The following TAFA1 variants were observed in gnomAD, a reference collection of about 807,000 sequenced individuals.
TAFA1 encodes TAFA chemokine like family member 1.
In TAFA1, 4 loss-of-function variants were observed where a neutral mutation model predicts 18.5. The observed-to-expected ratio is 0.22, with a 90% CI of 0.11 to 0.49. The LOEUF (loss-of-function observed/expected upper bound fraction) is 0.49, where lower values mean the gene tolerates loss of function less well. Among genes scored for constraint, TAFA1 ranks in the 20% least tolerant of loss-of-function variants. The probability of loss-of-function intolerance (pLI) is 0.98; values close to 1 mark genes in which losing one functional copy is unlikely to be tolerated. For missense variants in TAFA1, 147 were observed against 169.0 expected (o/e 0.87, Z 0.72); for synonymous variants, 56 against 55.2 (o/e 1.01, Z -0.06).
At chr3:68,176,755 A>G (rs2066131709) in intron 2 of TAFA1, among the ~76,000 whole-genome samples, 1 of 152,222 alleles carries the variant, frequency 6.6e-6, no homozygotes, top group South Asian at 2.1e-4. Flanking sequence ...AATAGCAAAG[A>G]GTTCATTAGA....
intron 2 of TAFA1, among the ~76,000 whole-genome samples, chr3:68,174,181 A>G (rs13090817): frequency 0.19 from 29,159 of 152,204 alleles, 3,157 homozygotes; most frequent in Middle Eastern, 0.29. Context: ...ATTGGTTTGC[A>G]TGGAACTGAA....
intron 2 of TAFA1, among the ~76,000 whole-genome samples, chr3:68,259,168 G>C (rs537975642): frequency 1.7e-4 from 26 of 152,252 alleles, no homozygotes; most frequent in Non-Finnish European, 3.5e-4. Context: ...TGAATGGAAA[G>C]GTGCTAGGGT....
chr3:68,397,897 G>A (rs2070415130), intron 2 of TAFA1, among the ~76,000 whole-genome samples: 2 of 152,036 alleles, frequency 1.3e-5, no homozygotes, highest in African/African-American at 4.8e-5. Context: ...TGTCAATTTT[G>A]TCTTTTGTTA....
intron 4 of TAFA1, among the ~76,000 whole-genome samples, chr3:68,540,348 T>C (rs2073351945): frequency 1.3e-5 from 2 of 152,194 alleles, no homozygotes; most frequent in Non-Finnish European, 2.9e-5. Context: ...TGTTTCATTT[T>C]AATGAAACAC....
chr3:68,535,674 T>A (rs2073268174), intron 3 of TAFA1, among the ~76,000 whole-genome samples: 1 of 152,202 alleles, frequency 6.6e-6, no homozygotes, highest in African/African-American at 2.4e-5. Context: ...TATAGAATCC[T>A]ACTGTCGACC....
chr3:68,404,203 A>G (rs2070551007), intron 2 of TAFA1, among the ~76,000 whole-genome samples: 1 of 152,204 alleles, frequency 6.6e-6, no homozygotes, highest in African/African-American at 2.4e-5. Context: ...GGGTGGAAGC[A>G]GTTGAAACCC....
chr3:68,311,405 A>G (rs745452632), intron 2 of TAFA1, among the ~76,000 whole-genome samples: 1 of 152,242 alleles, frequency 6.6e-6, no homozygotes, highest in African/African-American at 2.4e-5. Flanking sequence ...TATCTGAGAC[A>G]AGCCAACTCC....
At chr3:68,328,888 A>G (rs2068816571) in intron 2 of TAFA1, among the ~76,000 whole-genome samples, 1 of 152,148 alleles carries the variant, frequency 6.6e-6, no homozygotes, top group Non-Finnish European at 1.5e-5. Context: ...TGGTAAACCA[A>G]GAGGAGTGAT....
intron 3 of TAFA1, among the ~76,000 whole-genome samples, chr3:68,468,482 G>T (rs1397235381): frequency 6.6e-6 from 1 of 152,180 alleles, no homozygotes; most frequent in Non-Finnish European, 1.5e-5. Flanking sequence ...TGGTCCCTCA[G>T]TGACAGGCTT....
At chr3:68,459,066 T>C (rs1429882589) in intron 3 of TAFA1, among the ~76,000 whole-genome samples, 1 of 152,120 alleles carries the variant, frequency 6.6e-6, no homozygotes, top group African/African-American at 2.4e-5. Context: ...TCAGAGTTTT[T>C]CTCCTTTAGG....
rs117609861 is a variant in TAFA1, at chr3:68,237,420, G to A, written c.119-179860G>A. Among the ~76,000 whole-genome samples, 34 of 152,258 alleles carry A rather than the reference G, an allele frequency of 2.2e-4. 1 individual carries two copies. In the East Asian group the frequency reaches 5.6e-3, roughly 25 times the overall value. On this transcript the variant is annotated intron_variant, in intron 2 of 4. Coordinates refer to ENST00000478136, the MANE Select transcript of TAFA1 (RefSeq NM_213609.4). ...TGGAGGGGGTAGGGAGGGCTTGGGA[G>A]GACACAAACATTCAGACCATAGCAA...
chr3:68,004,465 C>T lies in TAFA1; in HGVS notation c.-241C>T, dbSNP rs1054357610. On this transcript the variant is annotated 5_prime_UTR_variant, in exon 1 of 5. Transcript: ENST00000478136. The stretch of plus-strand genomic sequence containing the variant: ...GGTGAAAATGACAAGGTTTCCACCC[C>T]TCAAACCTTGGCTCCTTTTCTGACA... 1.3e-5 allele frequency: 2 copies of T among 152,146 alleles called. No homozygotes were observed. Among genetic ancestry groups the T allele is most frequent in the African/African-American group, 4.8e-5 (2 of 41,434 alleles). 9.4% of individuals were successfully genotyped at this position (152,146 alleles called of 1,614,324 possible). A position where few individuals can be genotyped will look rare whatever the true frequency, so the allele number is the denominator to read the frequency against.
chr3:68,327,382 A>G (rs1275943442), intron 2 of TAFA1, among the ~76,000 whole-genome samples: 2 of 152,188 alleles, frequency 1.3e-5, no homozygotes, highest in Non-Finnish European at 2.9e-5. Context: ...GTAAAAATGT[A>G]TTTGTAAGAA....
rs567552126 is a variant in TAFA1, at chr3:68,466,088, C to A, written c.259+48668C>A. 5.9e-5 allele frequency among the ~76,000 whole-genome samples: 9 copies of A among 152,172 alleles called. No individual in the cohort carries two copies. The South Asian group carries it at 1.7e-3, about 28-fold the overall frequency. On this transcript the variant is annotated intron_variant, in intron 3 of 4. Coordinates refer to ENST00000478136, the MANE Select transcript of TAFA1 (RefSeq NM_213609.4). ...GTTGCTAAATATTGCACTTATTCTT[C>A]TACTTCTGGGCACATGATAGGCTTA...
chr3:68,357,761 A>G (rs1461989238), intron 2 of TAFA1, among the ~76,000 whole-genome samples: 2 of 151,926 alleles, frequency 1.3e-5, no homozygotes, highest in Admixed American at 1.3e-4. Flanking sequence ...GGGCATTTTT[A>G]TATCCCTTTT....
chr3:68,201,551 T>C (rs1199896459), intron 2 of TAFA1, among the ~76,000 whole-genome samples: 1 of 151,800 alleles, frequency 6.6e-6, no homozygotes, highest in Non-Finnish European at 1.5e-5. Context: ...TTAATGTATT[T>C]TGATGCTCTG....
intron 2 of TAFA1, among the ~76,000 whole-genome samples, chr3:68,299,165 T>C (rs2201129): frequency 0.093 from 14,090 of 152,166 alleles, 969 homozygotes; most frequent in East Asian, 0.35. Flanking sequence ...AGGATGGCAC[T>C]TCCCACTCAG....
At chr3:68,384,519 G>C (rs77834363) in intron 2 of TAFA1, among the ~76,000 whole-genome samples, 4,566 of 152,090 alleles carry the variant, frequency 0.03, 93 homozygotes, top group East Asian at 0.092. Context: ...ATTGTGCTAT[G>C]GTCAGAAAGA....
At chr3:68,438,224 G>GTCAATA (rs2071300382) in intron 3 of TAFA1, among the ~76,000 whole-genome samples, 2 of 152,104 alleles carry the variant, frequency 1.3e-5, no homozygotes. Context: ...TGGGTCTGGT[G>GTCAATA]GCACATGTCA....
Sources: allele counts gnomAD v4.1 joint callset (sites outside exome capture counted in the v4.1 genomes callset), GRCh38; gene constraint gnomAD v4.1.1; transcripts MANE v1.5; gene names NCBI Gene and HGNC (gene_info 2026-07-23, HGNC 2026-07-21).